Variants in COL25A1 observed in about 807,000 individuals in gnomAD.
COL25A1 encodes collagen type XXV alpha 1 chain.
In COL25A1, 103 loss-of-function variants were observed where a neutral mutation model predicts 128.4. The observed-to-expected ratio is 0.80, with a 90% CI of 0.68 to 0.94. COL25A1 has a LOEUF of 0.94. COL25A1 is among the 40% of genes least tolerant of loss of function. COL25A1 has a pLI of 0.00. For synonymous variants in COL25A1, 279 were observed against 277.2 expected, an observed-to-expected ratio of 1.01 and a Z score of -0.06; for missense variants, 745 against 840.0, an observed-to-expected ratio of 0.89 and a Z score of 1.40.
chr4:109,137,975 T>TAC (rs1769959483), intron 3 of COL25A1, among the ~76,000 whole-genome samples: 3 of 117,488 alleles, frequency 2.6e-5, no homozygotes, highest in Non-Finnish European at 4.0e-5. Flanking sequence ...AATTTCATTT[T>TAC]ATATATATAT....
Position 109,246,432 on chromosome 4 carries a change from G to A in COL25A1, c.367+54151C>T, listed in dbSNP as rs139940400. On this transcript the variant is annotated intron_variant, in intron 3 of 37. Coordinates refer to ENST00000399132, the MANE Select transcript of COL25A1 (RefSeq NM_198721.4). ...TGGATAGTCAAACAGGGTAAAGACAGTAAATGGTATTCTAATTGATGAGTG... is the reference window on the plus strand; with the variant it reads ...TGGATAGTCAAACAGGGTAAAGACAATAAATGGTATTCTAATTGATGAGTG... Among the ~76,000 whole-genome samples, 54 of 152,254 alleles carry A rather than the reference G, an allele frequency of 3.5e-4. No individual in the cohort carries two copies. In the East Asian group the frequency reaches 9.7e-3, roughly 27 times the overall value.
intron 3 of COL25A1, among the ~76,000 whole-genome samples, chr4:109,104,024 A>T (rs1766160732): frequency 6.6e-6 from 1 of 152,136 alleles, no homozygotes; most frequent in South Asian, 2.1e-4. Context: ...TTAACAGAAA[A>T]TTTTTTATAG....
At position 109,275,417 on chromosome 4, in the gene COL25A1, T is replaced by C. The variant is rs1722733231; in HGVS notation, c.367+25166A>G. ...CTCTAGCTATTTTTCCCCAGAGGTT[T>C]CATAGGGTTTAGGCTAAGGTGCCCA... On this transcript the variant is annotated intron_variant, in intron 3 of 37. Transcript: ENST00000399132. Among the ~76,000 whole-genome samples, 4 of 152,074 alleles carry C rather than the reference T, an allele frequency of 2.6e-5. No individual in the cohort carries two copies. In the South Asian group the frequency reaches 8.3e-4, roughly 32 times the overall value.
At chr4:108,836,937 G>T (rs546164206) in intron 31 of COL25A1, among the ~76,000 whole-genome samples, 2 of 151,996 alleles carry the variant, frequency 1.3e-5, no homozygotes, top group Non-Finnish European at 2.9e-5. Context: ...AACTTAGCTG[G>T]GCATGGTGGC....
chr4:108,846,230 T>C lies in COL25A1; in HGVS notation c.1435-11A>G. 1 of 1,571,708 alleles carries C rather than the reference T, an allele frequency of 6.4e-7. No homozygotes were observed. Among genetic ancestry groups the C allele is most frequent in the Non-Finnish European group, 8.8e-7 (1 of 1,141,546 alleles). On this transcript the variant is annotated splice_polypyrimidine_tract_variant and intron_variant, in intron 27 of 37. Transcript: ENST00000399132. ...TGAGCCTTTGAGTCCCTAAAAATGA[T>C]AGACAAGGTTGGCATGTAAGCAGCA... is the stretch of plus-strand genomic sequence containing the variant.
chr4:109,131,963 G>A (rs1769258429), intron 3 of COL25A1, among the ~76,000 whole-genome samples: 1 of 152,170 alleles, frequency 6.6e-6, no homozygotes, highest in African/African-American at 2.4e-5. Context: ...ACAGAAAGGA[G>A]CACCATTCTT....
chr4:108,956,697 C>T (rs1750111869), intron 8 of COL25A1, among the ~76,000 whole-genome samples: 1 of 152,336 alleles, frequency 6.6e-6, no homozygotes, highest in African/African-American at 2.4e-5. Flanking sequence ...TGAGCCACCA[C>T]ACCCAGCCTC....
chr4:108,861,503 G>C (rs1190907403), intron 22 of COL25A1, among the ~76,000 whole-genome samples: 1 of 152,178 alleles, frequency 6.6e-6, no homozygotes, highest in Non-Finnish European at 1.5e-5. Flanking sequence ...TGTAGGTATA[G>C]GCATTTTAAC....
At chr4:108,894,378 A>T (rs1219560420) in intron 16 of COL25A1, among the ~76,000 whole-genome samples, 1 of 152,172 alleles carries the variant, frequency 6.6e-6, no homozygotes, top group African/African-American at 2.4e-5. Flanking sequence ...CTTGAAAAAA[A>T]CTGCCCTCGG....
intron 3 of COL25A1, among the ~76,000 whole-genome samples, chr4:109,262,859 G>A (rs1284332689): frequency 6.6e-6 from 1 of 152,164 alleles, no homozygotes; most frequent in Admixed American, 6.5e-5. Context: ...GCCGAGTGCA[G>A]TGAGTCATGC....
At chr4:109,007,903 T>G (rs1526141) in intron 6 of COL25A1, among the ~76,000 whole-genome samples, 77,660 of 152,020 alleles carry the variant, frequency 0.51, 22,581 homozygotes, top group African/African-American at 0.78. Flanking sequence ...ATGATCTTTC[T>G]TCTGTTTATT....
intron 20 of COL25A1, among the ~76,000 whole-genome samples, chr4:108,868,157 C>A (rs956414177): frequency 6.6e-6 from 1 of 152,108 alleles, no homozygotes; most frequent in African/African-American, 2.4e-5. Context: ...TGAGTTCTAT[C>A]TCTCCTCCTC....
At chr4:109,217,375 CAG>C (rs1778070265) in intron 3 of COL25A1, among the ~76,000 whole-genome samples, 1 of 152,204 alleles carries the variant, frequency 6.6e-6, no homozygotes, top group African/African-American at 2.4e-5. Context: ...AAATACAAAA[CAG>C]ACAATAATCA....
chr4:109,183,869 T>A (rs1163878748), intron 3 of COL25A1, among the ~76,000 whole-genome samples: 2 of 150,640 alleles, frequency 1.3e-5, no homozygotes, highest in African/African-American at 4.9e-5. Flanking sequence ...ATGTTTAAAC[T>A]TAAAATATTT....
intron 8 of COL25A1, among the ~76,000 whole-genome samples, chr4:108,947,016 G>C (rs1384545320): frequency 6.6e-6 from 1 of 152,114 alleles, no homozygotes; most frequent in African/African-American, 2.4e-5. Flanking sequence ...TGGAAGGATA[G>C]TAGAGGGAAC....
At chr4:109,301,375 A>C (rs923334642) in intron 2 of COL25A1, among the ~76,000 whole-genome samples, 2 of 152,228 alleles carry the variant, frequency 1.3e-5, no homozygotes, top group African/African-American at 4.8e-5. Flanking sequence ...AAGATTTAAC[A>C]GATGCTATCT....
chr4:108,889,230 T>C lies in COL25A1; in HGVS notation c.966A>G (p.Pro322=). 1 of 1,613,612 alleles carries C rather than the reference T, an allele frequency of 6.2e-7. No homozygotes were observed. Among genetic ancestry groups the C allele is most frequent in the Admixed American group, 1.7e-5 (1 of 60,016 alleles). Residue 322 remains proline, a synonymous_variant, in exon 18 of 38, where the codon CCA becomes CCG. Coordinates refer to ENST00000399132, the MANE Select transcript of COL25A1 (RefSeq NM_198721.4). ...GAGATAGAGATATTACCTTTTGCCC[T>C]GGACGACCAGATTCCCCAGGTTCTC... ...IKGEPGESGR[P]GQKGEPGLPG...
At chr4:108,829,616 C>A (rs907180180) in intron 32 of COL25A1, among the ~76,000 whole-genome samples, 2 of 151,788 alleles carry the variant, frequency 1.3e-5, no homozygotes, top group African/African-American at 2.4e-5. Context: ...TATAACCATT[C>A]CCTTCTCACT....
rs138248655 is a variant in COL25A1 at position 109,162,421 on chromosome 4, A to G, written c.368-112242T>C. Among the ~76,000 whole-genome samples the G allele has an allele frequency of 3.3e-3, 502 of 152,338 alleles. 1 individual carries two copies. The highest frequency in any genetic ancestry group is 0.011 in the African/African-American group (462 of 41,574). On this transcript the variant is annotated intron_variant, in intron 3 of 37. Coordinates refer to ENST00000399132, the MANE Select transcript of COL25A1 (RefSeq NM_198721.4). ...AAGAGCGAAAAGAAGTGGTGAAATCATCCAAGTGCCAGGCTGTATAGATTC... is the reference window on the plus strand; with the variant it reads ...AAGAGCGAAAAGAAGTGGTGAAATCGTCCAAGTGCCAGGCTGTATAGATTC...
Sources: gnomAD v4.1 joint callset for allele counts (sites outside exome capture counted in the v4.1 genomes callset) on GRCh38, gnomAD v4.1.1 for gene constraint, MANE v1.5 for transcripts, NCBI Gene and HGNC (gene_info 2026-07-23, HGNC 2026-07-21) for gene names.